The following RHBDD1 variants were observed in gnomAD, a reference collection of about 807,000 sequenced individuals.
The protein encoded by RHBDD1 is rhomboid-related protein 4.
In RHBDD1, 38 loss-of-function variants were observed where a neutral mutation model predicts 36.3. The observed-to-expected ratio is 1.05, with a 90% CI of 0.81 to 1.37. RHBDD1 has a LOEUF of 1.37. Among genes scored for constraint, RHBDD1 ranks in the 40% most tolerant of loss-of-function variants. The pLI, the probability that RHBDD1 is intolerant of heterozygous loss-of-function variation, is 0.00. For synonymous variants in RHBDD1, 151 were observed against 136.5 expected (o/e 1.11, Z -0.74); for missense variants, 393 against 377.6 (o/e 1.04, Z -0.34).
At chr2:226,863,413 G>A (rs186049890) in intron 3 of RHBDD1, among the ~76,000 whole-genome samples, 2 of 152,270 alleles carry the variant, frequency 1.3e-5, no homozygotes, top group African/African-American at 2.4e-5. Flanking sequence ...CACAGCACTC[G>A]CGAAAGGCAA....
rs941308245 is a variant in RHBDD1, at chr2:226,998,697, T to A, written c.*3175T>A. On this transcript the variant is annotated 3_prime_UTR_variant, in exon 9 of 9. Transcript: ENST00000392062. Reference sequence around the variant, plus strand: ...TACTTAACAATACCTCCTCACTCAATTCTACATAACTCCAGCTTAGTCTTC... The same window carrying A: ...TACTTAACAATACCTCCTCACTCAAATCTACATAACTCCAGCTTAGTCTTC... 1 of 152,192 alleles carries A rather than the reference T, an allele frequency of 6.6e-6. No individual in the cohort carries two copies. The highest frequency in any genetic ancestry group is 2.4e-5 in the African/African-American group (1 of 41,444). The allele number at this position is 152,192 out of a possible 1,614,324, so 9.4% of individuals were successfully genotyped here. A position where few individuals can be genotyped will look rare whatever the true frequency, so the allele number is the denominator to read the frequency against.
chr2:226,851,470 G>A (rs990211756), intron 3 of RHBDD1, among the ~76,000 whole-genome samples: 1 of 152,104 alleles, frequency 6.6e-6, no homozygotes, highest in African/African-American at 2.4e-5. Context: ...TCTAGGAGCC[G>A]AATTAGGATG....
intron 8 of RHBDD1, among the ~76,000 whole-genome samples, chr2:226,950,033 A>C (rs565400324): frequency 2.0e-5 from 3 of 152,346 alleles, no homozygotes; most frequent in South Asian, 4.1e-4. Context: ...AATTAACATA[A>C]GTTACCTTAC....
rs527982047 is a variant in RHBDD1, at chr2:226,977,181, T to C, written c.857-18250T>C. ...GGCCCAGAGAAGTCAAGGAGCATCA[T>C]TGGATGTCTCGCGTCTCTGGTTTCC... is the stretch of plus-strand genomic sequence containing the variant. On this transcript the variant is annotated intron_variant, in intron 8 of 8. Transcript: ENST00000392062. Among the ~76,000 whole-genome samples, 36 of 152,384 alleles carry C rather than the reference T, an allele frequency of 2.4e-4. No individual in the cohort carries two copies. The South Asian group carries it at 4.8e-3, about 20-fold the overall frequency.
At chr2:226,817,918 T>A in the RHBDD1 span, among the ~76,000 whole-genome samples, 10 of 152,206 alleles carry the variant, frequency 6.6e-5, no homozygotes, top group Non-Finnish European at 1.3e-4. Flanking sequence ...CAGATACCCT[T>A]TATGGTTTCA....
intron 8 of RHBDD1, among the ~76,000 whole-genome samples, chr2:226,974,899 C>T (rs922539140): frequency 6.6e-6 from 1 of 152,150 alleles, no homozygotes; most frequent in African/African-American, 2.4e-5. Context: ...CTTGGTGCTC[C>T]CATTACCATT....
chr2:226,849,781 C>A (rs1942623077), intron 3 of RHBDD1, among the ~76,000 whole-genome samples: 1 of 151,902 alleles, frequency 6.6e-6, no homozygotes, highest in South Asian at 2.1e-4. Flanking sequence ...ATCTATATAT[C>A]TATATCTATA....
At chr2:226,960,778 C>T (rs1003521986) in intron 8 of RHBDD1, among the ~76,000 whole-genome samples, 1 of 152,206 alleles carries the variant, frequency 6.6e-6, no homozygotes, top group Non-Finnish European at 1.5e-5. Flanking sequence ...TCACTCTCTT[C>T]AGCCATTCCC....
In RHBDD1 at chr2:226,908,846, A is replaced by G. The variant is rs1575058241; in HGVS notation, c.680A>G (p.Tyr227Cys). Reference sequence around the variant, plus strand: ...GGCGGTTTTTCCTCCAGTGTTGGTTACCCAGGACGGCAATACTACTTTAAT... The same window carrying G: ...GGCGGTTTTTCCTCCAGTGTTGGTTGCCCAGGACGGCAATACTACTTTAAT... Reference protein sequence around the residue: ...CAGGFSSSVGYPGRQYYFNSS... With the variant: ...CAGGFSSSVGCPGRQYYFNSS... The change falls in exon 7 of 9, where the codon TAC becomes TGC. Residue 227 changes from tyrosine to cysteine, a missense_variant. Transcript: ENST00000392062. 9 of 1,608,400 alleles carry G rather than the reference A, an allele frequency of 5.6e-6. No homozygotes were observed. Among genetic ancestry groups the G allele is most frequent in the Non-Finnish European group, 7.7e-6 (9 of 1,174,768 alleles).
intron 3 of RHBDD1, among the ~76,000 whole-genome samples, chr2:226,862,201 A>G (rs1192037786): frequency 6.6e-6 from 1 of 152,244 alleles, no homozygotes; most frequent in Non-Finnish European, 1.5e-5. Flanking sequence ...TGAAAGTAGT[A>G]GCTACTGTTT....
At chr2:226,888,019 C>T (rs940019686) in intron 5 of RHBDD1, among the ~76,000 whole-genome samples, 10 of 152,142 alleles carry the variant, frequency 6.6e-5, no homozygotes, top group African/African-American at 2.4e-4. Context: ...GCTTGATGGC[C>T]GACTCAGGGT....
chr2:226,924,646 G>A (rs1949551599), intron 8 of RHBDD1, among the ~76,000 whole-genome samples: 1 of 152,192 alleles, frequency 6.6e-6, no homozygotes, highest in South Asian at 2.1e-4. Flanking sequence ...GGACCCCAGA[G>A]CACTTTTGCC....
At chr2:226,905,665 G>C in intron 5 of RHBDD1, among the ~76,000 whole-genome samples, 1 of 152,200 alleles carries the variant, frequency 6.6e-6, no homozygotes, top group East Asian at 1.9e-4. Context: ...CTTGCAGGGA[G>C]ACCAGCTGGA....
At chr2:226,874,631 T>A (rs1945064514) in intron 5 of RHBDD1, among the ~76,000 whole-genome samples, 1 of 152,154 alleles carries the variant, frequency 6.6e-6, no homozygotes, top group Non-Finnish European at 1.5e-5. Flanking sequence ...CTCGTCTCTT[T>A]CTTATCAGGA....
chr2:226,909,170 A>G (rs1948322963), intron 7 of RHBDD1, among the ~76,000 whole-genome samples: 1 of 152,128 alleles, frequency 6.6e-6, no homozygotes, highest in African/African-American at 2.4e-5. Flanking sequence ...TTGGTTCTTT[A>G]AGTCTCAGTC....
chr2:226,852,166 G>C (rs1942875806), intron 3 of RHBDD1, among the ~76,000 whole-genome samples: 1 of 152,128 alleles, frequency 6.6e-6, no homozygotes, highest in South Asian at 2.1e-4. Flanking sequence ...TAACTTGACA[G>C]TTTCTTTTGG....
At chr2:226,837,482 T>C (rs1176779303) in intron 1 of RHBDD1, 2 of 152,254 alleles carry the variant, frequency 1.3e-5, no homozygotes, top group Non-Finnish European at 1.5e-5. Context: ...GTAGGATTTT[T>C]AAGAATAGCA....
intron 4 of RHBDD1, 107 bp downstream of exon 4, chr2:226,865,233 G>A: frequency 3.5e-6 from 3 of 850,646 alleles, no homozygotes; most frequent in Non-Finnish European, 5.7e-6. Flanking sequence ...AGTGGTTAAG[G>A]GCTGCTGAGG....
chr2:226,927,574 C>G (rs1335255548), intron 8 of RHBDD1, among the ~76,000 whole-genome samples: 3 of 151,800 alleles, frequency 2.0e-5, no homozygotes, highest in Non-Finnish European at 2.9e-5. Flanking sequence ...AGTGTTTGTA[C>G]CAGTTTTCGT....
Sources: gnomAD v4.1 joint callset for allele counts (sites outside exome capture counted in the v4.1 genomes callset) on GRCh38, gnomAD v4.1.1 for gene constraint, MANE v1.5 for transcripts, NCBI Gene and HGNC (gene_info 2026-07-23, HGNC 2026-07-21) for gene names.